Variants in CCDC150 observed in about 807,000 individuals in gnomAD.
The protein encoded by CCDC150 is coiled-coil domain containing 150.
CCDC150 carries 151 observed loss-of-function variants against 156.5 expected under a neutral mutation model. That is an observed-to-expected ratio of 0.97 (90% CI 0.85 to 1.10). The LOEUF is 1.10. CCDC150 is among the 50% of genes least tolerant of loss of function. The pLI, the probability that CCDC150 is intolerant of heterozygous loss-of-function variation, is 0.00. For missense variants in CCDC150, 1,312 were observed against 1,268.1 expected (o/e 1.03, Z -0.53); for synonymous variants, 452 against 429.4 (o/e 1.05, Z -0.65).
intron 6 of CCDC150, among the ~76,000 whole-genome samples, chr2:196,666,132 G>T (rs555006617): frequency 6.6e-6 from 1 of 152,146 alleles, no homozygotes; most frequent in South Asian, 2.1e-4. Flanking sequence ...AAACAATCAG[G>T]ACTATATTTA....
rs1371989620 is a variant in CCDC150, at chr2:196,677,341, A to G, written c.1489A>G (p.Lys497Glu). 6.4e-7 allele frequency: 1 copy of G among 1,562,460 alleles called. No homozygotes were observed. The highest frequency in any genetic ancestry group is 8.7e-7 in the Non-Finnish European group (1 of 1,150,670). ...AGTGCAAGAAAGATGCAATTTGGAA[A>G]AGGAATTAGCTAAAAACAAGGTATT... ...EIVQERCNLE[K>E]ELAKNKVDIN... The change falls in exon 13 of 28, where the codon AAG becomes GAG. Residue 497 changes from lysine to glutamate, a missense_variant. Lys to Glu is a moderately conservative substitution (Grantham distance 56, BLOSUM62 1). Coordinates refer to ENST00000389175, the MANE Select transcript of CCDC150 (RefSeq NM_001080539.2).
intron 15 of CCDC150, among the ~76,000 whole-genome samples, chr2:196,703,084 A>G (rs1162259999): frequency 6.6e-6 from 1 of 152,226 alleles, no homozygotes; most frequent in African/African-American, 2.4e-5. Context: ...ACCTCTCAAC[A>G]TTTAATTACA....
At chr2:196,700,110 G>C (rs1454611847) in intron 14 of CCDC150, among the ~76,000 whole-genome samples, 1 of 152,118 alleles carries the variant, frequency 6.6e-6, no homozygotes, top group Non-Finnish European at 1.5e-5. Context: ...ATGCCTAAAA[G>C]GCACTCTGTT....
intron 13 of CCDC150, among the ~76,000 whole-genome samples, chr2:196,691,834 G>T (rs188456334): frequency 1.3e-5 from 2 of 152,034 alleles, no homozygotes; most frequent in Admixed American, 6.6e-5. Context: ...CCAGCTACTC[G>T]GGAGACTGAG....
intron 22 of CCDC150, chr2:196,726,354 A>G (rs1264365404): frequency 6.1e-6 from 2 of 330,136 alleles, no homozygotes; most frequent in Non-Finnish European, 1.2e-5. Context: ...TAGAGGAATA[A>G]GGAGACTGCC....
intron 15 of CCDC150, among the ~76,000 whole-genome samples, chr2:196,707,042 G>A (rs962987363): frequency 1.1e-4 from 16 of 152,186 alleles, no homozygotes; most frequent in African/African-American, 3.6e-4. Flanking sequence ...TGTTAGGGAG[G>A]ATTCCCTCTT....
rs1698443984 is a variant in CCDC150, at chr2:196,730,057, A to G, written c.2921A>G (p.Gln974Arg). Residue 974 changes from glutamine to arginine, a missense_variant, in exon 25 of 28, where the codon CAG (glutamine) becomes CGG (arginine). By Grantham distance (43) the Gln-to-Arg change is conservative. Transcript: ENST00000389175. ...SQYDASVRNK[Q>R]QELHLEAERK... ...TATGATGCCTCAGTGCGGAATAAAC[A>G]GCAAGAGCTGCACCTAGAAGCAGAG... The G allele has an allele frequency of 1.2e-6, 2 of 1,613,710 alleles. No homozygotes were observed.
At chr2:196,660,415 C>T (rs566632559) in intron 5 of CCDC150, among the ~76,000 whole-genome samples, 25 of 152,286 alleles carry the variant, frequency 1.6e-4, no homozygotes, top group East Asian at 5.8e-4. Context: ...ATGACTGTAT[C>T]GTTTGCATGC....
Position 196,732,683 on chromosome 2 carries a change from A to T in CCDC150, c.*121A>T, listed in dbSNP as rs370066760. 1.8e-4 allele frequency: 124 copies of T among 676,318 alleles called. No homozygotes were observed. The Middle Eastern group carries it at 7.4e-3, about 40-fold the overall frequency. 41.9% of individuals were successfully genotyped at this position (676,318 alleles called of 1,614,324 possible). A position where few individuals can be genotyped will look rare whatever the true frequency, so the allele number is the denominator to read the frequency against. On this transcript the variant is annotated 3_prime_UTR_variant, in exon 28 of 28. Transcript: ENST00000389175. Reference sequence around the variant, plus strand: ...ATGAAGTCTTTGATGTGGGCTGAAGATTTTGGACCTGAGTTTATCACTTTA... The same window carrying T: ...ATGAAGTCTTTGATGTGGGCTGAAGTTTTTGGACCTGAGTTTATCACTTTA...
chr2:196,658,655 C>A, intron 4 of CCDC150, 137 bp from the exon 5 acceptor site: 2 of 582,828 alleles, frequency 3.4e-6, no homozygotes, highest in Non-Finnish European at 3.0e-6. Context: ...AGACTTATAA[C>A]AAGGAGTATT....
chr2:196,712,219 GATGA>G lies in CCDC150; in HGVS notation c.1773_1776del (p.Met591IlefsTer29). 6.4e-7 allele frequency: 1 copy of G among 1,571,328 alleles called. No individual in the cohort carries two copies. The highest frequency in any genetic ancestry group is 8.7e-7 in the Non-Finnish European group (1 of 1,153,434). On this transcript the variant is annotated frameshift_variant, in exon 16 of 28. Transcript: ENST00000389175. LOFTEE classifies it high-confidence loss of function. ...GCTTACAGAATGATCATCTACGCAA[GATGA>G]ATAAGTATTTACAGACTAAATATGC... is the stretch of plus-strand genomic sequence containing the variant.
At chr2:196,688,012 A>G (rs1159675617) in intron 13 of CCDC150, among the ~76,000 whole-genome samples, 3 of 152,136 alleles carry the variant, frequency 2.0e-5, no homozygotes, top group African/African-American at 7.2e-5. Flanking sequence ...GTAGCCCTGT[A>G]GCATAATTTG....
intron 1 of CCDC150, among the ~76,000 whole-genome samples, chr2:196,640,152 A>G (rs1692126146): frequency 1.3e-5 from 2 of 152,198 alleles, no homozygotes; most frequent in Non-Finnish European, 2.9e-5. Context: ...TTACCAGAAT[A>G]TAGGTGTCAG....
chr2:196,646,661 TGTC>T (rs1411750846), intron 2 of CCDC150, among the ~76,000 whole-genome samples, 157 bp downstream of exon 2: 1 of 152,216 alleles, frequency 6.6e-6, no homozygotes, highest in East Asian at 1.9e-4. Flanking sequence ...AATGAAGAGT[TGTC>T]GTTCTGTGAT....
intron 1 of CCDC150, among the ~76,000 whole-genome samples, chr2:196,644,434 G>A (rs2125564427): frequency 6.6e-6 from 1 of 152,218 alleles, no homozygotes; most frequent in African/African-American, 2.4e-5. Context: ...TCCACCAACT[G>A]CAGCCCTGGT....
chr2:196,657,362 A>T (rs184763255), intron 4 of CCDC150: 5 of 450,096 alleles, frequency 1.1e-5, no homozygotes. Context: ...CCCTTACCCC[A>T]TACAAGTGAT....
chr2:196,732,652 A>C lies in CCDC150; in HGVS notation c.*90A>C, dbSNP rs977819846. 6 of 819,428 alleles carry C rather than the reference A, an allele frequency of 7.3e-6. No homozygotes were observed. Among genetic ancestry groups the C allele is most frequent in the Non-Finnish European group, 8.2e-6 (4 of 485,506 alleles). 50.8% of individuals were successfully genotyped at this position (819,428 alleles called of 1,614,324 possible). ...GGGGCTGGCCTGTTTCTAGAGTCAT[A>C]AGAACATGAAGTCTTTGATGTGGGC... On this transcript the variant is annotated 3_prime_UTR_variant, in exon 28 of 28. Transcript: ENST00000389175.
chr2:196,710,088 CT>C, intron 15 of CCDC150, among the ~76,000 whole-genome samples: 1 of 152,210 alleles, frequency 6.6e-6, no homozygotes, highest in East Asian at 1.9e-4. Flanking sequence ...TTTCTGCTGC[CT>C]TTTGTTCAGC....
intron 1 of CCDC150, among the ~76,000 whole-genome samples, chr2:196,644,132 A>G (rs1692396834): frequency 1.3e-5 from 2 of 152,136 alleles, no homozygotes; most frequent in Non-Finnish European, 2.9e-5. Flanking sequence ...AAGTCTGCCT[A>G]GGAGCCCTTT....
Sources: allele counts gnomAD v4.1 joint callset (sites outside exome capture counted in the v4.1 genomes callset), GRCh38; gene constraint gnomAD v4.1.1; transcripts MANE v1.5; gene names NCBI Gene and HGNC (gene_info 2026-07-23, HGNC 2026-07-21).